The following ELL variants were observed in gnomAD, a reference collection of about 807,000 sequenced individuals.
ELL encodes RNA polymerase II elongation factor ELL.
ELL carries 18 observed loss-of-function variants against 64.0 expected under a neutral mutation model. The observed-to-expected ratio is 0.28, with a 90% CI of 0.19 to 0.42. The LOEUF (loss-of-function observed/expected upper bound fraction) is 0.42. Among genes scored for constraint, ELL ranks in the 10% least tolerant of loss-of-function variants. ELL has a pLI of 1.00. For synonymous variants in ELL, 399 were observed against 376.2 expected (o/e 1.06, Z -0.70); for missense variants, 797 against 870.4 (o/e 0.92, Z 1.06).
At chr19:18,457,768 C>A (rs1974713569) in intron 6 of ELL, among the ~76,000 whole-genome samples, 1 of 152,168 alleles carries the variant, frequency 6.6e-6, no homozygotes, top group Non-Finnish European at 1.5e-5. Flanking sequence ...CTTAATGACG[C>A]CTGCCCTGCC....
rs139618800 is a variant in ELL, at chr19:18,449,039, T to G, written c.1465+1438A>C. The stretch of plus-strand genomic sequence containing the variant: ...GCTTCTGGTGCCTCCACTGTCCTTT[T>G]CTTGGTGCTTGGGACATCTACCCCT... On this transcript the variant is annotated intron_variant, in intron 8 of 11. Coordinates refer to ENST00000262809, the MANE Select transcript of ELL (RefSeq NM_006532.4). The surrounding 1 kb of genome is among the most constrained non-coding windows in gnomAD (Gnocchi z 4.4). Among the ~76,000 whole-genome samples, 264 of 152,294 alleles carry G rather than the reference T, an allele frequency of 1.7e-3. No homozygotes were observed. Among genetic ancestry groups the G allele is most frequent in the African/African-American group, 6.0e-3 (248 of 41,560 alleles).
intron 2 of ELL, among the ~76,000 whole-genome samples, chr19:18,466,301 T>C (rs1477477968): frequency 1.3e-5 from 2 of 152,200 alleles, no homozygotes; most frequent in South Asian, 2.1e-4. Flanking sequence ...TGGACAGACC[T>C]GGCCTGCGAC....
intron 6 of ELL, among the ~76,000 whole-genome samples, chr19:18,453,643 G>A (rs558627562): frequency 9.1e-4 from 139 of 152,314 alleles, no homozygotes; most frequent in Non-Finnish European, 1.5e-3. Flanking sequence ...CTGCAGCCTG[G>A]ATCTCCTGTG....
At chr19:18,466,123 A>T (rs1974930851) in intron 2 of ELL, among the ~76,000 whole-genome samples, 1 of 152,202 alleles carries the variant, frequency 6.6e-6, no homozygotes, top group Non-Finnish European at 1.5e-5. Flanking sequence ...GAGGGGACTC[A>T]GGCACCTATG....
At chr19:18,521,880 C>T (rs1359645332) in intron 1 of ELL, 41 bp downstream of exon 1, 6 of 1,541,672 alleles carry the variant, frequency 3.9e-6, no homozygotes, top group Non-Finnish European at 5.2e-6. Flanking sequence ...GGCCCGCGTC[C>T]GGACGTTCCC....
chr19:18,465,758 A>T, intron 3 of ELL, 39 bp downstream of exon 3: 1 of 1,423,892 alleles, frequency 7.0e-7, no homozygotes, highest in Non-Finnish European at 9.2e-7. Flanking sequence ...GGTGACCTCA[A>T]GAGCCGGCGG....
intron 10 of ELL, chr19:18,445,489 G>C (rs947726834): frequency 1.2e-5 from 5 of 423,688 alleles, no homozygotes; most frequent in African/African-American, 2.1e-5. Context: ...TAGCAGGTGG[G>C]GCACTGCTGT....
At chr19:18,494,261 A>C (rs1975598040) in intron 1 of ELL, among the ~76,000 whole-genome samples, 1 of 144,658 alleles carries the variant, frequency 6.9e-6, no homozygotes, top group South Asian at 2.4e-4. Context: ...GGGGAAGGGG[A>C]GGGGAAGGGA....
chr19:18,495,511 C>T (rs185039585), intron 1 of ELL, among the ~76,000 whole-genome samples: 13 of 152,318 alleles, frequency 8.5e-5, no homozygotes, highest in African/African-American at 2.2e-4. Flanking sequence ...TTGCTTCAGG[C>T]GTCAGGAGGA....
In ELL at chr19:18,500,210, T is replaced by C. The variant is rs567887114; in HGVS notation, c.135+21711A>G. On this transcript the variant is annotated intron_variant, in intron 1 of 11. Coordinates refer to ENST00000262809, the MANE Select transcript of ELL (RefSeq NM_006532.4). ...CTGGGAGGCGGAGGTTGCAGTGAGCTGAGATCGTGCCATTGCACTCCAGCC... is the reference window on the plus strand; with the variant it reads ...CTGGGAGGCGGAGGTTGCAGTGAGCCGAGATCGTGCCATTGCACTCCAGCC... Among the ~76,000 whole-genome samples, 135 of 147,094 alleles carry C rather than the reference T, an allele frequency of 9.2e-4. 1 individual carries two copies. The South Asian group carries it at 0.029, about 31-fold the overall frequency.
intron 1 of ELL, among the ~76,000 whole-genome samples, chr19:18,479,708 C>CAAAAAAAAAA (rs60371809): frequency 2.7e-5 from 2 of 72,820 alleles, no homozygotes; most frequent in Non-Finnish European, 5.3e-5. Context: ...GACTCCATCT[C>CAAAAAAAAAA]AAAAAAAAAA....
chr19:18,461,205 T>A (rs1017575009), intron 5 of ELL, among the ~76,000 whole-genome samples: 1 of 152,190 alleles, frequency 6.6e-6, no homozygotes, highest in Non-Finnish European at 1.5e-5. Context: ...TGCCAGGCTC[T>A]GCCAGGCACG....
At chr19:18,446,612 G>A in intron 9 of ELL, 132 bp from the exon 10 acceptor site, 1 of 1,490,142 alleles carries the variant, frequency 6.7e-7, no homozygotes, top group Non-Finnish European at 9.1e-7. Flanking sequence ...GCCTGGCCCA[G>A]AAGAGGCTGC....
intron 1 of ELL, among the ~76,000 whole-genome samples, chr19:18,477,155 G>A (rs979714281): frequency 2.0e-5 from 3 of 152,282 alleles, no homozygotes; most frequent in Non-Finnish European, 2.9e-5. Context: ...AGAGGAAGAC[G>A]TACGGGTATC....
chr19:18,502,523 A>G (rs963428195), intron 1 of ELL, among the ~76,000 whole-genome samples: 8 of 152,228 alleles, frequency 5.3e-5, no homozygotes, highest in African/African-American at 1.9e-4. Flanking sequence ...CAGCCGCATC[A>G]GGAGCAGACG....
chr19:18,487,446 C>T (rs530736737), intron 1 of ELL, among the ~76,000 whole-genome samples: 18 of 152,206 alleles, frequency 1.2e-4, no homozygotes, highest in South Asian at 4.1e-4. Flanking sequence ...GCTTAGGATG[C>T]GCACAGATCC....
intron 8 of ELL, among the ~76,000 whole-genome samples, chr19:18,450,115 G>A (rs1478301761): frequency 6.6e-6 from 1 of 152,262 alleles, no homozygotes; most frequent in Non-Finnish European, 1.5e-5. Context: ...CCTCAGCATG[G>A]CCCTGGCTCC....
intron 6 of ELL, among the ~76,000 whole-genome samples, chr19:18,453,119 A>G (rs1974573311): frequency 6.6e-6 from 1 of 152,148 alleles, no homozygotes; most frequent in Non-Finnish European, 1.5e-5. Flanking sequence ...TAAACGTACA[A>G]AAAAATTAGC....
At chr19:18,482,079 G>A (rs1011224627) in intron 1 of ELL, among the ~76,000 whole-genome samples, 1 of 152,124 alleles carries the variant, frequency 6.6e-6, no homozygotes, top group East Asian at 1.9e-4. Flanking sequence ...GTGACAGCTC[G>A]TGGAGGTTCA....
Sources: gnomAD v4.1 joint callset for allele counts (sites outside exome capture counted in the v4.1 genomes callset) on GRCh38, gnomAD v4.1.1 for gene constraint, Gnocchi (gnomAD v3.1) non-coding constraint, MANE v1.5 for transcripts, NCBI Gene and HGNC (gene_info 2026-07-23, HGNC 2026-07-21) for gene names.